DGKI: variants seen among roughly 807,000 people sequenced by gnomAD.
The protein encoded by DGKI is DAG kinase iota.
Under a neutral mutation model 147.5 loss-of-function variants are expected in DGKI, and 55 were observed. The ratio of observed to expected loss-of-function variants is 0.37; its 90% CI spans 0.30 to 0.47. The LOEUF is 0.47. DGKI is among the 20% of genes least tolerant of loss of function. DGKI has a pLI of 1.00. For missense variants in DGKI, 1,007 were observed against 1,323.8 expected, an observed-to-expected ratio of 0.76 and a Z score of 3.71; for synonymous variants, 469 against 477.1, an observed-to-expected ratio of 0.98 and a Z score of 0.22.
At chr7:137,439,986 C>T (rs1469696374) in intron 28 of DGKI, among the ~76,000 whole-genome samples, 2 of 152,160 alleles carry the variant, frequency 1.3e-5, no homozygotes, top group Non-Finnish European at 2.9e-5. Flanking sequence ...AGTGTGCTGG[C>T]ACAGGTAGCA....
At chr7:137,674,502 C>T (rs1822959151) in intron 3 of DGKI, among the ~76,000 whole-genome samples, 1 of 152,196 alleles carries the variant, frequency 6.6e-6, no homozygotes, top group African/African-American at 2.4e-5. Flanking sequence ...TCATTATTAA[C>T]AGCAGCCACT....
At chr7:137,393,924 T>G (rs1448096828) in intron 32 of DGKI, among the ~76,000 whole-genome samples, 1 of 152,174 alleles carries the variant, frequency 6.6e-6, no homozygotes, top group Non-Finnish European at 1.5e-5. Context: ...AAATTGCACA[T>G]AGGCAGATTC....
intron 1 of DGKI, among the ~76,000 whole-genome samples, chr7:137,842,884 T>G (rs2117114424): frequency 6.6e-6 from 1 of 152,286 alleles, no homozygotes; most frequent in East Asian, 1.9e-4. Context: ...TGCCGTGTAT[T>G]ACAGATGAGG....
intron 1 of DGKI, among the ~76,000 whole-genome samples, chr7:137,695,631 A>G (rs973461031): frequency 1.3e-5 from 2 of 152,236 alleles, no homozygotes; most frequent in African/African-American, 4.8e-5. Context: ...GAATGGAGGC[A>G]TCTAACTCCA....
rs11302496 is a variant in DGKI at position 137,625,743 on chromosome 7, T to TA, written c.805-2190dup. 3.3e-3 allele frequency among the ~76,000 whole-genome samples: 428 copies of TA among 128,920 alleles called. 1 individual carries two copies. Among genetic ancestry groups the TA allele is most frequent in the Middle Eastern group, 0.012 (3 of 248 alleles). The allele number at this position is 128,920 out of a possible 152,430, so 84.6% of individuals were successfully genotyped here. A position where few individuals can be genotyped will look rare whatever the true frequency, so the allele number is the denominator to read the frequency against. ...TAAGACCTTATCTCTATATTAAAAT[T>TA]AAAAAAAAAAAAAAAAAGACAGAAA... is the stretch of plus-strand genomic sequence containing the variant. On this transcript the variant is annotated intron_variant, in intron 6 of 32. Transcript: ENST00000614521.
In DGKI at chr7:137,552,535, G is replaced by C. The variant is rs1483919863; in HGVS notation, c.1981C>G (p.Leu661Val). Residue 661 changes from leucine to valine, a missense_variant, in exon 20 of 33, where the codon CTA becomes GTA. This residue lies in a region of DGKI where 224 missense variants were observed against 382.7 expected (regional missense o/e 0.59). Coordinates refer to ENST00000614521, the MANE Select transcript of DGKI (RefSeq NM_001321708.2). ...AGCATGACTTCTCGACACTGGTGTA[G>C]CCTCTCTCCATGGCCCCCAACTTGC... ...ALQVGGHGERLHQCREVMLLT... is the reference protein window; with the variant it reads ...ALQVGGHGERVHQCREVMLLT... 1 of 1,614,154 alleles carries C rather than the reference G, an allele frequency of 6.2e-7. No homozygotes were observed. The highest frequency in any genetic ancestry group is 8.5e-7 in the Non-Finnish European group (1 of 1,180,024).
At chr7:137,450,583 G>C (rs568564986) in intron 27 of DGKI, among the ~76,000 whole-genome samples, 4 of 151,948 alleles carry the variant, frequency 2.6e-5, no homozygotes, top group African/African-American at 4.8e-5. Flanking sequence ...TTAGCCAAGC[G>C]TGGTGGCACG....
chr7:137,453,920 T>C (rs1282185975), intron 27 of DGKI, among the ~76,000 whole-genome samples: 2 of 143,590 alleles, frequency 1.4e-5, no homozygotes, highest in Non-Finnish European at 3.0e-5. Context: ...GCTTGAAATA[T>C]CTTGTTTTTT....
chr7:137,411,103 G>A (rs1265558919), intron 29 of DGKI, among the ~76,000 whole-genome samples: 1 of 152,194 alleles, frequency 6.6e-6, no homozygotes, highest in Non-Finnish European at 1.5e-5. Flanking sequence ...ATGTCTGAGG[G>A]TAGGACTGTT....
At chr7:137,450,473 C>T (rs1265834325) in intron 27 of DGKI, among the ~76,000 whole-genome samples, 1 of 152,120 alleles carries the variant, frequency 6.6e-6, no homozygotes, top group Non-Finnish European at 1.5e-5. Context: ...AATCCCAGCA[C>T]TTTGGGAGGC....
At chr7:137,514,859 A>T (rs367896796) in intron 21 of DGKI, among the ~76,000 whole-genome samples, 2 of 152,110 alleles carry the variant, frequency 1.3e-5, no homozygotes, top group African/African-American at 2.4e-5. Context: ...GCAACCTGAA[A>T]ATGTTCTACC....
chr7:137,843,681 C>T (rs1170833549), intron 1 of DGKI, among the ~76,000 whole-genome samples: 1 of 150,940 alleles, frequency 6.6e-6, no homozygotes, highest in East Asian at 2.0e-4. Flanking sequence ...CTGCATATGC[C>T]CACCCACTCC....
chr7:137,844,526 G>T (rs965881679), intron 1 of DGKI, among the ~76,000 whole-genome samples: 1 of 152,208 alleles, frequency 6.6e-6, no homozygotes, highest in Non-Finnish European at 1.5e-5. Flanking sequence ...TGACACTGAT[G>T]CAGGAATTGG....
At chr7:137,684,727 G>A (rs960088430) in intron 2 of DGKI, among the ~76,000 whole-genome samples, 4 of 152,204 alleles carry the variant, frequency 2.6e-5, no homozygotes, top group African/African-American at 9.7e-5. Flanking sequence ...AGTTCCTTAT[G>A]CGCTGCTCAA....
chr7:137,668,756 G>C (rs533427403), intron 3 of DGKI, among the ~76,000 whole-genome samples: 5 of 152,166 alleles, frequency 3.3e-5, no homozygotes, highest in Non-Finnish European at 7.4e-5. Context: ...AGGGGAGGGA[G>C]AGCCTGACTG....
chr7:137,719,465 CAG>C (rs1029886077), intron 1 of DGKI, among the ~76,000 whole-genome samples: 3 of 151,866 alleles, frequency 2.0e-5, no homozygotes, highest in African/African-American at 4.8e-5. Context: ...AGTTTTCCAG[CAG>C]AGTTTTGCTC....
intron 1 of DGKI, among the ~76,000 whole-genome samples, chr7:137,705,676 T>G (rs1793997130): frequency 6.6e-6 from 1 of 152,060 alleles, no homozygotes; most frequent in South Asian, 2.1e-4. Context: ...TTTGCAAAAC[T>G]CATAACTTGC....
intron 30 of DGKI, among the ~76,000 whole-genome samples, chr7:137,402,312 C>A (rs1052430874): frequency 6.6e-6 from 1 of 152,094 alleles, no homozygotes. Flanking sequence ...AAAGACTGTG[C>A]TATATGGGAA....
intron 10 of DGKI, among the ~76,000 whole-genome samples, chr7:137,606,433 T>G (rs962035377): frequency 1.3e-5 from 2 of 152,152 alleles, no homozygotes; most frequent in African/African-American, 2.4e-5. Context: ...AACTCAAGAT[T>G]TAACAAAAAG....
Sources: gnomAD v4.1 joint callset for allele counts (sites outside exome capture counted in the v4.1 genomes callset) on GRCh38, gnomAD v4.1.1 for gene constraint, gnomAD v4.1.1 regional missense constraint, MANE v1.5 for transcripts, NCBI Gene and HGNC (gene_info 2026-07-23, HGNC 2026-07-21) for gene names.